Variants in IGSF11 observed in about 807,000 individuals in gnomAD.
IGSF11 encodes immunoglobulin superfamily member 11.
In IGSF11, 22 loss-of-function variants were observed where a neutral mutation model predicts 41.0. The observed-to-expected ratio is 0.54, with a 90% CI of 0.38 to 0.77. The LOEUF is 0.77. IGSF11 is among the 30% of genes least tolerant of loss of function. The pLI is 0.00. For missense variants in IGSF11, 444 were observed against 530.8 expected (o/e 0.84, Z 1.61); for synonymous variants, 219 against 201.3 (o/e 1.09, Z -0.74).
intron 4 of IGSF11, among the ~76,000 whole-genome samples, chr3:118,918,551 G>C (rs1941416451): frequency 7.3e-6 from 1 of 137,582 alleles, no homozygotes; most frequent in Non-Finnish European, 1.5e-5. Context: ...CAACTTACAA[G>C]GGATGTGAAG....
intron 1 of IGSF11, among the ~76,000 whole-genome samples, chr3:118,964,427 TC>T (rs1206953522): frequency 6.6e-6 from 1 of 151,992 alleles, no homozygotes; most frequent in Non-Finnish European, 1.5e-5. Flanking sequence ...ACAGAAGACT[TC>T]CCACCAGTAT....
At chr3:118,994,970 A>C (rs558926276) in intron 1 of IGSF11, among the ~76,000 whole-genome samples, 7 of 152,224 alleles carry the variant, frequency 4.6e-5, no homozygotes, top group Non-Finnish European at 7.3e-5. Context: ...GGGGTTATGT[A>C]ATAGAAAAGC....
intron 1 of IGSF11, among the ~76,000 whole-genome samples, chr3:118,987,488 T>C (rs952360678): frequency 7.2e-5 from 11 of 152,104 alleles, no homozygotes; most frequent in Admixed American, 5.9e-4. Flanking sequence ...TCCTGCCTAG[T>C]AGTGTGGAGC....
chr3:118,953,969 CCT>C (rs1944777062), intron 1 of IGSF11, among the ~76,000 whole-genome samples: 1 of 152,068 alleles, frequency 6.6e-6, no homozygotes, highest in African/African-American at 2.4e-5. Flanking sequence ...GTCATGAGGT[CCT>C]TCCCTAAGCC....
Position 119,060,765 on chromosome 3 carries a change from C to T in IGSF11, c.49+44379G>A, listed in dbSNP as rs190354122. On this transcript the variant is annotated intron_variant, in intron 1 of 6. Transcript: ENST00000354673. ...AGATACCTCCATTTGAATTAGCACC[C>T]TGATCAACAATTGGAAACTGATAAC... Among the ~76,000 whole-genome samples, 30 of 152,290 alleles carry T rather than the reference C, an allele frequency of 2.0e-4. No homozygotes were observed. The East Asian group carries it at 4.6e-3, about 23-fold the overall frequency.
intron 1 of IGSF11, among the ~76,000 whole-genome samples, chr3:119,027,159 T>A (rs545069137): frequency 2.6e-5 from 4 of 152,248 alleles, no homozygotes; most frequent in African/African-American, 4.8e-5. Context: ...CATAGATTTA[T>A]GAAAACTCAT....
chr3:119,009,333 T>G (rs527459282), intron 1 of IGSF11, among the ~76,000 whole-genome samples: 30 of 152,316 alleles, frequency 2.0e-4, no homozygotes, highest in African/African-American at 6.7e-4. Flanking sequence ...TGATATGGTT[T>G]GGCTGTGTCT....
chr3:118,981,004 T>C (rs1934657244), intron 1 of IGSF11, among the ~76,000 whole-genome samples: 1 of 152,178 alleles, frequency 6.6e-6, no homozygotes. Context: ...ATGTGGTATG[T>C]GAGGGAAGCA....
chr3:118,930,149 A>C lies in IGSF11; in HGVS notation c.179T>G (p.Met60Arg), dbSNP rs373410120. ...GTTGGCATTGGAGAGAGGAGTGACC[A>C]TCCAAATGACATTGAGGTTAATGAG... ...AALINLNVIW[M>R]VTPLSNANQP... Residue 60 changes from methionine (M) to arginine (R), a missense_variant, in exon 2 of 7, where the codon ATG becomes AGG. Physicochemically the swap from Met to Arg is moderately conservative, Grantham distance 91. Coordinates refer to ENST00000393775, the MANE Select transcript of IGSF11 (RefSeq NM_001015887.3). The C allele has an allele frequency of 6.2e-7, 1 of 1,613,800 alleles. No homozygotes were observed. The highest frequency in any genetic ancestry group is 8.5e-7 in the Non-Finnish European group (1 of 1,179,900).
In IGSF11 at chr3:119,034,633, C is replaced by T; in HGVS notation, c.-51G>A. Reference sequence around the variant, plus strand: ...CCTCCTACCCGGCTCCCGGTCGCAACAGGAGAGGAGCGGGCGTGAGTCTCC... The same window carrying T: ...CCTCCTACCCGGCTCCCGGTCGCAATAGGAGAGGAGCGGGCGTGAGTCTCC... On this transcript the variant is annotated 5_prime_UTR_variant, in exon 1 of 7. Transcript: ENST00000393775. The T allele has an allele frequency of 6.5e-7, 1 of 1,535,610 alleles. No individual in the cohort carries two copies. Among genetic ancestry groups the T allele is most frequent in the Non-Finnish European group, 8.8e-7 (1 of 1,140,804 alleles).
Position 118,905,713 on chromosome 3 carries a change from C to T in IGSF11, c.586G>A (p.Val196Ile), listed in dbSNP as rs140836568. Residue 196 changes from valine to isoleucine, a missense_variant, in exon 5 of 7, where the codon GTC (valine) becomes ATC (isoleucine). This residue lies in a region of IGSF11 where 193 missense variants were observed against 283.5 expected (regional missense o/e 0.68). Transcript: ENST00000393775. The stretch of plus-strand genomic sequence containing the variant: ...TTCCGGATGGTGACTGTTCCCTGGA[C>T]CTGGTCTGTCACAAAAATAATAACC... ...KLPPTATQDQVQGTVTIRNIS... is the reference protein window; with the variant it reads ...KLPPTATQDQIQGTVTIRNIS... 1,277 of 1,613,616 alleles carry T rather than the reference C, an allele frequency of 7.9e-4. 2 individuals carry two copies. The highest frequency in any genetic ancestry group is 1.0e-3 in the Non-Finnish European group (1,182 of 1,179,680).
chr3:119,119,243 A>G (rs1450882760), intron 1 of IGSF11, among the ~76,000 whole-genome samples: 7 of 152,234 alleles, frequency 4.6e-5, no homozygotes, highest in Non-Finnish European at 1.0e-4. Context: ...TACACAGGAA[A>G]AAGAGTTTAA....
intron 1 of IGSF11, among the ~76,000 whole-genome samples, chr3:119,005,333 C>A (rs1282231203): frequency 6.7e-6 from 1 of 150,008 alleles, no homozygotes; most frequent in Non-Finnish European, 1.5e-5. Flanking sequence ...TTCCTCCACC[C>A]TTTTATTTTG....
chr3:119,031,147 C>A (rs910379230), intron 1 of IGSF11, among the ~76,000 whole-genome samples: 9 of 152,100 alleles, frequency 5.9e-5, no homozygotes, highest in African/African-American at 2.2e-4. Context: ...ATCCTGGCTA[C>A]TCGGGAGGCT....
chr3:119,095,291 A>G (rs1344949268), intron 1 of IGSF11, among the ~76,000 whole-genome samples: 1 of 152,168 alleles, frequency 6.6e-6, no homozygotes, highest in African/African-American at 2.4e-5. Context: ...TATACACAAT[A>G]TTTCCAAGAA....
At chr3:118,966,683 T>C (rs912313983) in intron 1 of IGSF11, among the ~76,000 whole-genome samples, 1 of 152,204 alleles carries the variant, frequency 6.6e-6, no homozygotes, top group Non-Finnish European at 1.5e-5. Flanking sequence ...TCAAAGATTA[T>C]ATATTTACCC....
intron 1 of IGSF11, among the ~76,000 whole-genome samples, chr3:118,952,560 T>TAA (rs565837304): frequency 7.1e-4 from 108 of 152,286 alleles, no homozygotes; most frequent in African/African-American, 2.3e-3. Context: ...TCTTATCTGT[T>TAA]AAAGTTTTAT....
At chr3:119,116,769 T>A (rs1427126783) in intron 1 of IGSF11, among the ~76,000 whole-genome samples, 1 of 152,206 alleles carries the variant, frequency 6.6e-6, no homozygotes, top group Non-Finnish European at 1.5e-5. Context: ...AACACCATTA[T>A]GGTAGATTGG....
chr3:118,981,426 G>A (rs1206512616), intron 1 of IGSF11, among the ~76,000 whole-genome samples: 2 of 152,138 alleles, frequency 1.3e-5, no homozygotes, highest in Non-Finnish European at 2.9e-5. Flanking sequence ...GCCTCCCAAA[G>A]TTCTGGGATT....
Sources: gnomAD v4.1 joint callset for allele counts (sites outside exome capture counted in the v4.1 genomes callset) on GRCh38, gnomAD v4.1.1 for gene constraint, gnomAD v4.1.1 regional missense constraint, MANE v1.5 for transcripts, NCBI Gene and HGNC (gene_info 2026-07-23, HGNC 2026-07-21) for gene names.